FANCC: variants seen among roughly 807,000 people sequenced by gnomAD.
FANCC encodes the protein Fanconi anemia group C protein.
FANCC carries 55 observed loss-of-function variants against 71.3 expected under a neutral mutation model. That is an observed-to-expected ratio of 0.77 (90% CI 0.62 to 0.97). FANCC has a LOEUF of 0.97. Ranked by LOEUF, FANCC falls within the 50% of genes least tolerant of loss-of-function variation. The pLI is 0.00. For synonymous variants in FANCC, 275 were observed against 244.9 expected, an observed-to-expected ratio of 1.12 and a Z score of -1.15; for missense variants, 678 against 670.9, an observed-to-expected ratio of 1.01 and a Z score of -0.12.
At chr9:95,233,732 G>C (rs2136007889) in intron 4 of FANCC, among the ~76,000 whole-genome samples, 1 of 152,334 alleles carries the variant, frequency 6.6e-6, no homozygotes, top group South Asian at 2.1e-4. Flanking sequence ...AATAAAGTTG[G>C]GGTGTGTACT....
chr9:95,212,380 T>C (rs150185531), intron 4 of FANCC, among the ~76,000 whole-genome samples: 31 of 152,054 alleles, frequency 2.0e-4, no homozygotes, highest in Non-Finnish European at 4.1e-4. Context: ...TAGAAAAAGA[T>C]ACAGATGAAC....
intron 11 of FANCC, 119 bp downstream of exon 11, chr9:95,117,196 A>G (rs969868255): frequency 2.2e-6 from 2 of 906,088 alleles, no homozygotes; most frequent in Non-Finnish European, 1.8e-6. Flanking sequence ...AAGGGATCTT[A>G]GAAATAACCA....
At chr9:95,137,076 C>T (rs1484652835) in intron 7 of FANCC, among the ~76,000 whole-genome samples, 1 of 152,194 alleles carries the variant, frequency 6.6e-6, no homozygotes, top group Non-Finnish European at 1.5e-5. Context: ...AAGGCTACTG[C>T]TATTAATAAG....
chr9:95,183,349 C>T (rs1826496313), intron 4 of FANCC, among the ~76,000 whole-genome samples: 1 of 152,202 alleles, frequency 6.6e-6, no homozygotes, highest in Non-Finnish European at 1.5e-5. Flanking sequence ...AGGCGCTCCA[C>T]GGCAGGCACT....
intron 1 of FANCC, chr9:95,293,385 G>C: frequency 6.3e-7 from 1 of 1,585,540 alleles, no homozygotes; most frequent in Non-Finnish European, 8.5e-7. Flanking sequence ...CTTGTCAGTA[G>C]GAACCCTGAT....
chr9:95,236,433 G>A (rs536769370), intron 4 of FANCC, among the ~76,000 whole-genome samples: 66 of 152,250 alleles, frequency 4.3e-4, no homozygotes, highest in African/African-American at 1.5e-3. Context: ...AAAGAGTCCC[G>A]GAACTTCGTC....
intron 1 of FANCC, among the ~76,000 whole-genome samples, chr9:95,272,483 G>A (rs1053493008): frequency 6.6e-6 from 1 of 152,096 alleles, no homozygotes. Flanking sequence ...ATCACTTGAG[G>A]CCAGGAACTC....
At chr9:95,254,552 C>T (rs1831542890) in intron 1 of FANCC, among the ~76,000 whole-genome samples, 2 of 152,222 alleles carry the variant, frequency 1.3e-5, no homozygotes, top group Admixed American at 6.5e-5. Context: ...CCAGCACAGA[C>T]ACTACGCTTT....
chr9:95,172,070 T>G lies in FANCC; in HGVS notation c.423A>C (p.Ala141=). 1 of 1,612,516 alleles carries G rather than the reference T, an allele frequency of 6.2e-7. No individual in the cohort carries two copies. Among genetic ancestry groups the G allele is most frequent in the Non-Finnish European group, 8.5e-7 (1 of 1,178,674 alleles). Residue 141 remains alanine, a synonymous_variant, in exon 5 of 15, where the codon GCA becomes GCC. Coordinates refer to ENST00000289081, the MANE Select transcript of FANCC (RefSeq NM_000136.3). ...GCAAACCAGGATAGTAATCTATAGGTGCATACCCAAGACCTTGAGTGAAAA... is the reference window on the plus strand; with the variant it reads ...GCAAACCAGGATAGTAATCTATAGGGGCATACCCAAGACCTTGAGTGAAAA... The part of the protein sequence containing the change: ...VALFTQGLGY[A]PIDYYPGLLK...
chr9:95,191,623 T>C (rs1025532472), intron 4 of FANCC, among the ~76,000 whole-genome samples: 5 of 152,052 alleles, frequency 3.3e-5, no homozygotes, highest in Non-Finnish European at 7.4e-5. Context: ...GTATCTCAAA[T>C]TTAACACAAC....
At chr9:95,157,654 T>C (rs1742497808) in intron 6 of FANCC, among the ~76,000 whole-genome samples, 1 of 152,180 alleles carries the variant, frequency 6.6e-6, no homozygotes, top group Non-Finnish European at 1.5e-5. Context: ...TTAGTGTAAT[T>C]CAATCTGGAA....
At chr9:95,196,627 C>T (rs978626365) in intron 4 of FANCC, among the ~76,000 whole-genome samples, 5 of 152,196 alleles carry the variant, frequency 3.3e-5, no homozygotes, top group Non-Finnish European at 5.9e-5. Flanking sequence ...AGGCTTCTGT[C>T]ACACCTGAAT....
intron 1 of FANCC, among the ~76,000 whole-genome samples, chr9:95,257,859 T>A (rs1186781124): frequency 6.6e-6 from 1 of 151,974 alleles, no homozygotes; most frequent in Non-Finnish European, 1.5e-5. Context: ...TCACCACTGA[T>A]CCCACAGAAA....
At chr9:95,293,521 ATACTT>A (rs1411117190) in intron 1 of FANCC, 2 of 1,602,084 alleles carry the variant, frequency 1.2e-6, no homozygotes, top group Non-Finnish European at 1.7e-6. Context: ...AGTCCATCTA[ATACTT>A]TACAAGAACT....
At chr9:95,243,787 C>T (rs1381039615) in intron 3 of FANCC, among the ~76,000 whole-genome samples, 1 of 152,082 alleles carries the variant, frequency 6.6e-6, no homozygotes, top group Non-Finnish European at 1.5e-5. Context: ...GAGCGAGACT[C>T]CATCTCAAAA....
chr9:95,172,481 T>G (rs1214360500), intron 4 of FANCC, among the ~76,000 whole-genome samples: 2 of 152,218 alleles, frequency 1.3e-5, no homozygotes, highest in Non-Finnish European at 2.9e-5. Context: ...AATTTTTCTT[T>G]GCTTTTTTTT....
At chr9:95,286,507 A>T (rs1010840883) in intron 1 of FANCC, among the ~76,000 whole-genome samples, 2 of 152,252 alleles carry the variant, frequency 1.3e-5, no homozygotes, top group African/African-American at 4.8e-5. Context: ...CCTACTATGC[A>T]GCAGGCACTG....
intron 6 of FANCC, among the ~76,000 whole-genome samples, chr9:95,168,357 C>A (rs894567003): frequency 2.0e-5 from 3 of 152,218 alleles, no homozygotes; most frequent in Admixed American, 6.5e-5. Flanking sequence ...ACTGTCAATT[C>A]TCTGGTGCTA....
At chr9:95,183,306 G>A (rs1826493719) in intron 4 of FANCC, among the ~76,000 whole-genome samples, 1 of 152,196 alleles carries the variant, frequency 6.6e-6, no homozygotes, top group Admixed American at 6.5e-5. Flanking sequence ...GTGTAACGGT[G>A]AGCCTGCTCT....
Sources: gnomAD v4.1 joint callset for allele counts (sites outside exome capture counted in the v4.1 genomes callset) on GRCh38, gnomAD v4.1.1 for gene constraint, MANE v1.5 for transcripts, NCBI Gene and HGNC (gene_info 2026-07-23, HGNC 2026-07-21) for gene names.